PIK3R4: variants seen among roughly 807,000 people sequenced by gnomAD.
PIK3R4 encodes phosphoinositide 3-kinase regulatory subunit 4.
In PIK3R4, 46 loss-of-function variants were observed where a neutral mutation model predicts 136.5. The ratio of observed to expected loss-of-function variants is 0.34; its 90% CI spans 0.27 to 0.43. PIK3R4 has a LOEUF of 0.43. Ranked by LOEUF, PIK3R4 falls within the 20% of genes least tolerant of loss-of-function variation. The probability of loss-of-function intolerance (pLI) is 1.00; values close to 1 mark genes in which losing one functional copy is unlikely to be tolerated. For missense variants in PIK3R4, 1,331 were observed against 1,649.5 expected (o/e 0.81, Z 3.35); for synonymous variants, 557 against 566.7 (o/e 0.98, Z 0.24).
In PIK3R4 at chr3:130,708,242, G is replaced by T. The variant is rs774343023; in HGVS notation, c.2533+49C>A. On this transcript the variant is annotated intron_variant, in intron 10 of 19. Coordinates refer to ENST00000356763, the MANE Select transcript of PIK3R4 (RefSeq NM_014602.3). ...TTAATTAGCTAAAAAACAGTCTTAT[G>T]AAATAACTAACAACAACAAGCTACA... 6.9e-6 allele frequency: 10 copies of T among 1,445,956 alleles called. 1 individual carries two copies. In the Admixed American group the frequency reaches 1.4e-4, roughly 20 times the overall value. 89.6% of individuals were successfully genotyped at this position (1,445,956 alleles called of 1,614,324 possible).
intron 4 of PIK3R4, among the ~76,000 whole-genome samples, chr3:130,732,793 TA>T (rs199688149): frequency 0.013 from 1,789 of 141,790 alleles, 22 homozygotes; most frequent in East Asian, 0.056. Context: ...TACATTTCTT[TA>T]AAAAAAAAAA....
At position 130,718,427 on chromosome 3, in the gene PIK3R4, G is replaced by C; in HGVS notation, c.2089C>G (p.Pro697Ala). The C allele has an allele frequency of 1.9e-6, 3 of 1,613,394 alleles. No individual in the cohort carries two copies. The highest frequency in any genetic ancestry group is 2.5e-6 in the Non-Finnish European group (3 of 1,179,442). Residue 697 changes from proline (P) to alanine (A), a missense_variant, in exon 8 of 20, where the codon CCT becomes GCT. Coordinates refer to ENST00000356763, the MANE Select transcript of PIK3R4 (RefSeq NM_014602.3). Reference protein sequence around the residue: ...STADVYCKLMPYLDPYITQPI... With the variant: ...STADVYCKLMAYLDPYITQPI... ...TGGGTAATATATGGGTCAAGATAAG[G>C]CATCAGTTTACAGTAGACATCAGCT...
intron 9 of PIK3R4, among the ~76,000 whole-genome samples, chr3:130,711,563 T>C (rs190961664): frequency 6.6e-6 from 1 of 152,302 alleles, no homozygotes; most frequent in Non-Finnish European, 1.5e-5. Flanking sequence ...CCTGAGGCCA[T>C]AGAAAGAACA....
At position 130,686,323 on chromosome 3, in the gene PIK3R4, C is replaced by G. The variant is rs2066490096; in HGVS notation, c.3363G>C (p.Leu1121=). The part of the protein sequence containing the change: ...VLAYATVNGS[L]VGWDLRSSSN... ...TTGAAGACCTAAGGTCCCAGCCAAC[C>G]AGAGAGCCATTCACAGTGGCATAGG... Residue 1121 remains leucine, a synonymous_variant, in exon 15 of 20, where the codon CTG becomes CTC. Transcript: ENST00000356763. 1 of 1,613,210 alleles carries G rather than the reference C, an allele frequency of 6.2e-7. No homozygotes were observed. Among genetic ancestry groups the G allele is most frequent in the African/African-American group, 1.3e-5 (1 of 74,880 alleles).
intron 13 of PIK3R4, among the ~76,000 whole-genome samples, chr3:130,700,030 TCTCA>T (rs1337267056): frequency 6.6e-6 from 1 of 152,202 alleles, no homozygotes; most frequent in Non-Finnish European, 1.5e-5. Context: ...AGGGTTTTTG[TCTCA>T]CTGAGAGAGG....
At chr3:130,691,249 T>A (rs773146827) in intron 13 of PIK3R4, among the ~76,000 whole-genome samples, 2 of 152,174 alleles carry the variant, frequency 1.3e-5, no homozygotes, top group Non-Finnish European at 2.9e-5. Flanking sequence ...AGGAAAAGCA[T>A]TGGCTTTGGA....
intron 19 of PIK3R4, among the ~76,000 whole-genome samples, chr3:130,679,911 A>G (rs1180769675): frequency 1.3e-5 from 2 of 152,086 alleles, no homozygotes; most frequent in East Asian, 3.8e-4. Context: ...CCCCGTCTCT[A>G]CTAAAAATAC....
Position 130,688,901 on chromosome 3 carries a change from A to C in PIK3R4, c.3263+1589T>G, listed in dbSNP as rs1396351162. Among the ~76,000 whole-genome samples, 12 of 152,184 alleles carry C rather than the reference A, an allele frequency of 7.9e-5. No individual in the cohort carries two copies. In the East Asian group the frequency reaches 2.3e-3, roughly 29 times the overall value. On this transcript the variant is annotated intron_variant, in intron 14 of 19. Coordinates refer to ENST00000356763, the MANE Select transcript of PIK3R4 (RefSeq NM_014602.3). Reference sequence around the variant, plus strand: ...GCAACCCTTTAAAAATGCAAACATCATTCTTATTTTATGGACCATACTGCA... The same window carrying C: ...GCAACCCTTTAAAAATGCAAACATCCTTCTTATTTTATGGACCATACTGCA...
intron 5 of PIK3R4, 48 bp from the exon 6 acceptor site, chr3:130,728,732 T>G: frequency 7.8e-7 from 1 of 1,277,094 alleles, no homozygotes; most frequent in Non-Finnish European, 1.1e-6. Flanking sequence ...AAGAAATAGT[T>G]AAGAAAAGAT....
At chr3:130,695,611 C>T (rs1324567587) in intron 13 of PIK3R4, among the ~76,000 whole-genome samples, 1 of 152,100 alleles carries the variant, frequency 6.6e-6, no homozygotes, top group East Asian at 1.9e-4. Context: ...TTGATAATCA[C>T]AAGAAGGGTG....
intron 13 of PIK3R4, 118 bp downstream of exon 13, chr3:130,703,605 G>T: frequency 2.9e-6 from 2 of 692,310 alleles, no homozygotes; most frequent in Admixed American, 5.1e-5. Context: ...AAGGATTTTT[G>T]TCCATTTATT....
chr3:130,682,389 T>C (rs1173948265), intron 16 of PIK3R4, among the ~76,000 whole-genome samples: 2 of 152,166 alleles, frequency 1.3e-5, no homozygotes, highest in Admixed American at 1.3e-4. Context: ...GTTCCCCTAG[T>C]GCCTCCAGAG....
At chr3:130,681,635 T>A in intron 16 of PIK3R4, 44 bp from the exon 17 acceptor site, 6 of 1,190,110 alleles carry the variant, frequency 5.0e-6, no homozygotes, top group Non-Finnish European at 7.4e-6. Flanking sequence ...ACAAAAAGAG[T>A]TGGAGAAGAT....
chr3:130,732,194 T>C (rs2066763236), intron 4 of PIK3R4, among the ~76,000 whole-genome samples: 1 of 152,212 alleles, frequency 6.6e-6, no homozygotes. Context: ...CATATGAAGG[T>C]AATATAACAT....
intron 19 of PIK3R4, 62 bp from the exon 20 acceptor site, chr3:130,679,547 C>T (rs1019177669): frequency 1.1e-5 from 13 of 1,142,428 alleles, no homozygotes; most frequent in Admixed American, 8.1e-5. Flanking sequence ...TTTTTCCTCT[C>T]GTCAGTAGTC....
chr3:130,705,143 A>T (rs4682628), intron 12 of PIK3R4, among the ~76,000 whole-genome samples: 31,399 of 151,708 alleles, frequency 0.21, 3,502 homozygotes, highest in South Asian at 0.36. Flanking sequence ...TTTTCTTTTT[A>T]AAAAAAGTAC....
chr3:130,726,049 C>T (rs1191510465), intron 6 of PIK3R4: 3 of 151,880 alleles, frequency 2.0e-5, no homozygotes, highest in Admixed American at 6.6e-5. Flanking sequence ...TTCTTTAACA[C>T]AGTAATTAAA....
At chr3:130,732,358 T>C (rs78034521) in intron 4 of PIK3R4, among the ~76,000 whole-genome samples, 22,612 of 152,138 alleles carry the variant, frequency 0.15, 1,974 homozygotes, top group South Asian at 0.32. Context: ...TTTAACACAA[T>C]TGAGAACAGA....
chr3:130,695,099 A>G (rs1218263997), intron 13 of PIK3R4, among the ~76,000 whole-genome samples: 5 of 152,068 alleles, frequency 3.3e-5, no homozygotes, highest in Non-Finnish European at 7.4e-5. Flanking sequence ...CATGTGTTGA[A>G]CCAACCTTAT....
Sources: gnomAD v4.1 joint callset for allele counts (sites outside exome capture counted in the v4.1 genomes callset) on GRCh38, gnomAD v4.1.1 for gene constraint, MANE v1.5 for transcripts, NCBI Gene and HGNC (gene_info 2026-07-23, HGNC 2026-07-21) for gene names.